The following ACSS3 variants were observed in gnomAD, a reference collection of about 807,000 sequenced individuals.
ACSS3 encodes acyl-CoA synthetase short chain family member 3.
In ACSS3, 64 loss-of-function variants were observed where a neutral mutation model predicts 84.2. That is an observed-to-expected ratio of 0.76 (90% confidence interval 0.62 to 0.94). ACSS3 has a LOEUF of 0.94. ACSS3 is among the 40% of genes least tolerant of loss of function. The probability of loss-of-function intolerance (pLI) is 0.00; values close to 1 mark genes in which losing one functional copy is unlikely to be tolerated. For synonymous variants in ACSS3, 317 were observed against 310.1 expected (o/e 1.02, Z -0.23); for missense variants, 815 against 867.6 (o/e 0.94, Z 0.76).
At position 81,254,804 on chromosome 12, in the gene ACSS3, G is replaced by C. The variant is rs959614869; in HGVS notation, c.1996-53G>C. On this transcript the variant is annotated intron_variant, in intron 15 of 15. Transcript: ENST00000548058. Reference sequence around the variant, plus strand: ...GCATATAATTGTTTAATTATAGAAAGAGTAGAAGAAATTCAAGGAAGAGTA... The same window carrying C: ...GCATATAATTGTTTAATTATAGAAACAGTAGAAGAAATTCAAGGAAGAGTA... The C allele has an allele frequency of 1.5e-5, 20 of 1,344,156 alleles. No homozygotes were observed. In the African/African-American group the frequency reaches 2.8e-4, roughly 19 times the overall value. 83.3% of individuals were successfully genotyped at this position (1,344,156 alleles called of 1,614,324 possible). A position where few individuals can be genotyped will look rare whatever the true frequency, so the allele number is the denominator to read the frequency against.
chr12:81,118,877 A>G (rs1326104465), intron 2 of ACSS3, among the ~76,000 whole-genome samples: 2 of 152,176 alleles, frequency 1.3e-5, no homozygotes, highest in African/African-American at 4.8e-5. Context: ...GAAATACAAA[A>G]AAGCTACTGA....
chr12:81,114,533 G>A (rs763030895), intron 2 of ACSS3, among the ~76,000 whole-genome samples: 179 of 152,166 alleles, frequency 1.2e-3, no homozygotes, highest in Non-Finnish European at 4.9e-4. Context: ...CCTGTCAATG[G>A]TTGTCTTTGT....
chr12:81,173,603 C>T (rs1332188632), intron 7 of ACSS3, among the ~76,000 whole-genome samples: 2 of 151,894 alleles, frequency 1.3e-5, no homozygotes, highest in East Asian at 3.9e-4. Context: ...ATTTATAGTC[C>T]ATTCCTTTTT....
chr12:81,241,399 A>G (rs926639808), intron 13 of ACSS3, among the ~76,000 whole-genome samples: 1 of 152,106 alleles, frequency 6.6e-6, no homozygotes, highest in African/African-American at 2.4e-5. Flanking sequence ...TAGATCCCTG[A>G]GGAATTGCCA....
chr12:81,130,467 G>A (rs1885415541), intron 2 of ACSS3, among the ~76,000 whole-genome samples: 1 of 152,094 alleles, frequency 6.6e-6, no homozygotes, highest in Non-Finnish European at 1.5e-5. Context: ...ACTTTTTGAT[G>A]GGGTTGTTTG....
At chr12:81,164,931 C>T (rs1593148909) in intron 7 of ACSS3, among the ~76,000 whole-genome samples, 1 of 152,062 alleles carries the variant, frequency 6.6e-6, no homozygotes, top group East Asian at 1.9e-4. Context: ...ACATCATAGT[C>T]CTTTTCTTCC....
intron 12 of ACSS3, among the ~76,000 whole-genome samples, chr12:81,232,675 A>G (rs1028519959): frequency 2.6e-5 from 4 of 151,900 alleles, no homozygotes; most frequent in African/African-American, 9.6e-5. Context: ...ACTGAGTCTC[A>G]GAAAGTCTAA....
intron 5 of ACSS3, among the ~76,000 whole-genome samples, chr12:81,148,875 C>T (rs1022277743): frequency 3.0e-5 from 4 of 134,786 alleles, no homozygotes; most frequent in Admixed American, 1.7e-4. Flanking sequence ...TCCTGGCTAG[C>T]ACGGTGAAAC....
At chr12:81,245,231 A>T (rs904041545) in intron 13 of ACSS3, among the ~76,000 whole-genome samples, 8 of 152,054 alleles carry the variant, frequency 5.3e-5, no homozygotes, top group African/African-American at 1.7e-4. Context: ...GGAGGCCGAG[A>T]TGGGTGGATC....
At chr12:81,221,346 A>G (rs1323670944) in intron 11 of ACSS3, among the ~76,000 whole-genome samples, 3 of 152,038 alleles carry the variant, frequency 2.0e-5, no homozygotes, top group African/African-American at 7.2e-5. Flanking sequence ...TTGCTTTCGT[A>G]TTTATTTCTA....
intron 9 of ACSS3, among the ~76,000 whole-genome samples, chr12:81,216,406 C>T (rs1250263548): frequency 2.0e-5 from 3 of 152,046 alleles, no homozygotes; most frequent in African/African-American, 4.8e-5. Flanking sequence ...ATTACTTTTA[C>T]ATCAATGTAA....
At chr12:81,136,393 G>A (rs560908273) in intron 3 of ACSS3, among the ~76,000 whole-genome samples, 1 of 152,226 alleles carries the variant, frequency 6.6e-6, no homozygotes, top group East Asian at 1.9e-4. Context: ...CATGATAGGT[G>A]TGCATTTTTC....
intron 4 of ACSS3, among the ~76,000 whole-genome samples, chr12:81,140,074 C>T (rs758297359): frequency 2.0e-5 from 3 of 152,278 alleles, no homozygotes; most frequent in South Asian, 4.1e-4. Flanking sequence ...CGAATGCATG[C>T]GCTCTGACTG....
intron 2 of ACSS3, among the ~76,000 whole-genome samples, chr12:81,132,390 T>C (rs1885561360): frequency 6.6e-6 from 1 of 152,200 alleles, no homozygotes; most frequent in South Asian, 2.1e-4. Context: ...TATCCATTTC[T>C]TCTAGATTTT....
Position 81,233,418 on chromosome 12 carries a change from G to T in ACSS3, c.1666G>T (p.Asp556Tyr), listed in dbSNP as rs2033528790. ...EGYLYVMSRV[D>Y]DVINVAGHRI... ...CTATTTGTATGTTATGTCTCGAGTG[G>T]ATGATGTAATAAATGTTGCAGGTCA... The change falls in exon 13 of 16, where the codon GAT becomes TAT. Residue 556 changes from aspartate (D) to tyrosine (Y), a missense_variant. Transcript: ENST00000548058. The T allele has an allele frequency of 6.2e-7, 1 of 1,611,020 alleles. No individual in the cohort carries two copies. The highest frequency in any genetic ancestry group is 1.3e-5 in the African/African-American group (1 of 74,656).
intron 11 of ACSS3, among the ~76,000 whole-genome samples, chr12:81,224,158 C>T (rs1159721234): frequency 1.3e-5 from 2 of 151,934 alleles, no homozygotes; most frequent in Non-Finnish European, 2.9e-5. Context: ...GAAGGTATCA[C>T]GTGGTGATAG....
chr12:81,192,563 G>A (rs190787225), intron 8 of ACSS3, among the ~76,000 whole-genome samples: 2 of 152,234 alleles, frequency 1.3e-5, no homozygotes, highest in African/African-American at 4.8e-5. Context: ...ATATTTGAGA[G>A]GGTTGGTTTC....
chr12:81,103,028 ATATTTG>A (rs1241718704), intron 1 of ACSS3, among the ~76,000 whole-genome samples: 2 of 152,224 alleles, frequency 1.3e-5, no homozygotes, highest in Non-Finnish European at 2.9e-5. Context: ...AGTGTGACCA[ATATTTG>A]TCTGCAGGAA....
At chr12:81,139,642 G>T (rs7397515) in intron 4 of ACSS3, among the ~76,000 whole-genome samples, 3 of 146,794 alleles carry the variant, frequency 2.0e-5, no homozygotes, top group African/African-American at 7.5e-5. Flanking sequence ...AATAATTATT[G>T]TTATTTTTTT....
Sources: gnomAD v4.1 joint callset for allele counts (sites outside exome capture counted in the v4.1 genomes callset) on GRCh38, gnomAD v4.1.1 for gene constraint, MANE v1.5 for transcripts, NCBI Gene and HGNC (gene_info 2026-07-23, HGNC 2026-07-21) for gene names.